The following HS3ST4 variants were observed in gnomAD, a reference collection of about 807,000 sequenced individuals.
HS3ST4 encodes heparan sulfate-glucosamine 3-sulfotransferase 4, also known as heparan sulfate glucosamine 3-O-sulfotransferase 4.
A neutral mutation model predicts 29.2 loss-of-function variants in HS3ST4; 17 were observed. The observed-to-expected ratio is 0.58, with a 90% CI of 0.40 to 0.87. The LOEUF is 0.87. HS3ST4 is among the 40% of genes least tolerant of loss of function. The pLI, the probability that HS3ST4 is intolerant of heterozygous loss-of-function variation, is 0.00. For synonymous variants in HS3ST4, 314 were observed against 285.7 expected, an observed-to-expected ratio of 1.10 and a Z score of -1.00; for missense variants, 627 against 634.5, an observed-to-expected ratio of 0.99 and a Z score of 0.13.
At chr16:25,791,473 AC>A (rs1310408366) in intron 1 of HS3ST4, among the ~76,000 whole-genome samples, 2 of 152,102 alleles carry the variant, frequency 1.3e-5, no homozygotes, top group Admixed American at 6.6e-5. Context: ...GATTGGAATT[AC>A]CCCCAAATTT....
At chr16:26,013,248 AGTTAGGGAC>A (rs1969328213) in intron 1 of HS3ST4, among the ~76,000 whole-genome samples, 2 of 152,166 alleles carry the variant, frequency 1.3e-5, no homozygotes, top group Non-Finnish European at 2.9e-5. Flanking sequence ...GTGGCAGAGT[AGTTAGGGAC>A]AAGGTGCTCA....
intron 1 of HS3ST4, among the ~76,000 whole-genome samples, chr16:25,833,804 G>C (rs998556908): frequency 2.6e-4 from 39 of 152,180 alleles, no homozygotes; most frequent in African/African-American, 8.9e-4. Context: ...AAATCAATAA[G>C]TAAAGTCACA....
At chr16:25,699,644 T>C (rs892020881) in intron 1 of HS3ST4, among the ~76,000 whole-genome samples, 5 of 152,218 alleles carry the variant, frequency 3.3e-5, no homozygotes, top group African/African-American at 4.8e-5. Context: ...TTTAACTCCA[T>C]AGGGTCCATT....
At chr16:26,002,003 C>T (rs1567291226) in intron 1 of HS3ST4, among the ~76,000 whole-genome samples, 1 of 152,092 alleles carries the variant, frequency 6.6e-6, no homozygotes, top group African/African-American at 2.4e-5. Context: ...GAACAAGCCA[C>T]GTTGTCTGCT....
chr16:26,048,677 T>TA (rs1212469340), intron 1 of HS3ST4, among the ~76,000 whole-genome samples: 8 of 151,794 alleles, frequency 5.3e-5, no homozygotes, highest in East Asian at 3.9e-4. Flanking sequence ...AAAATAATAA[T>TA]AAAAAAATAG....
chr16:26,102,613 C>T (rs1237136995), intron 1 of HS3ST4, among the ~76,000 whole-genome samples: 1 of 152,156 alleles, frequency 6.6e-6, no homozygotes, highest in Non-Finnish European at 1.5e-5. Context: ...ATACATTCCC[C>T]CTCCATCCCA....
chr16:25,765,098 G>C (rs1966809520), intron 1 of HS3ST4, among the ~76,000 whole-genome samples: 1 of 152,224 alleles, frequency 6.6e-6, no homozygotes, highest in Non-Finnish European at 1.5e-5. Context: ...CGGAGGGAGA[G>C]TCTGTGTGAA....
chr16:25,937,500 A>G (rs1045452436), intron 1 of HS3ST4, among the ~76,000 whole-genome samples: 2 of 152,184 alleles, frequency 1.3e-5, no homozygotes, highest in African/African-American at 4.8e-5. Flanking sequence ...TTCCAGGCAG[A>G]GGAACAGGAG....
intron 1 of HS3ST4, among the ~76,000 whole-genome samples, chr16:26,029,183 C>A (rs1051892132): frequency 2.0e-5 from 3 of 152,180 alleles, no homozygotes; most frequent in Non-Finnish European, 2.9e-5. Context: ...TGATAATACT[C>A]AGTTTCCAGA....
intron 1 of HS3ST4, among the ~76,000 whole-genome samples, chr16:25,928,421 C>T (rs1466704059): frequency 2.0e-5 from 3 of 152,076 alleles, no homozygotes; most frequent in African/African-American, 7.2e-5. Context: ...ATTTTCAGGT[C>T]ACCAAGGAAA....
At chr16:26,084,083 G>C (rs1021755553) in intron 1 of HS3ST4, among the ~76,000 whole-genome samples, 3 of 152,168 alleles carry the variant, frequency 2.0e-5, no homozygotes, top group Non-Finnish European at 4.4e-5. Context: ...AGTTTGCCCT[G>C]ATGGTCTGAC....
At chr16:25,717,932 G>T (rs1341523114) in intron 1 of HS3ST4, among the ~76,000 whole-genome samples, 8 of 152,144 alleles carry the variant, frequency 5.3e-5, no homozygotes, top group Non-Finnish European at 8.8e-5. Context: ...GGAGATGGCA[G>T]TGATGATGGA....
At chr16:26,044,189 T>G (rs1898237594) in intron 1 of HS3ST4, among the ~76,000 whole-genome samples, 1 of 151,958 alleles carries the variant, frequency 6.6e-6, no homozygotes, top group African/African-American at 2.4e-5. Flanking sequence ...AAGCCTCATG[T>G]TTGTACTTCT....
intron 1 of HS3ST4, among the ~76,000 whole-genome samples, chr16:25,927,138 A>G (rs188611305): frequency 6.6e-6 from 1 of 152,358 alleles, no homozygotes; most frequent in East Asian, 1.9e-4. Context: ...GATCAGCTAA[A>G]TCAACTGCAT....
At chr16:25,968,015 G>T (rs555535768) in intron 1 of HS3ST4, among the ~76,000 whole-genome samples, 23 of 152,166 alleles carry the variant, frequency 1.5e-4, no homozygotes, top group Non-Finnish European at 2.5e-4. Flanking sequence ...TATGTGAAGG[G>T]TTGTCATGGG....
At chr16:25,799,429 T>G (rs908271675) in intron 1 of HS3ST4, among the ~76,000 whole-genome samples, 1 of 152,192 alleles carries the variant, frequency 6.6e-6, no homozygotes, top group African/African-American at 2.4e-5. Flanking sequence ...TAAGAGAAAT[T>G]ACAGACATAA....
At chr16:26,015,439 A>G (rs1339343685) in intron 1 of HS3ST4, among the ~76,000 whole-genome samples, 2 of 152,220 alleles carry the variant, frequency 1.3e-5, no homozygotes, top group Admixed American at 1.3e-4. Context: ...ATATGTGTGT[A>G]GTGTTGCCAA....
intron 1 of HS3ST4, among the ~76,000 whole-genome samples, chr16:25,891,320 A>G (rs1015222153): frequency 2.6e-5 from 4 of 152,132 alleles, no homozygotes; most frequent in Non-Finnish European, 4.4e-5. Context: ...TGAAATGACT[A>G]TTTTTTTAGG....
At chr16:25,829,656 G>A (rs1051953938) in intron 1 of HS3ST4, among the ~76,000 whole-genome samples, 1 of 152,076 alleles carries the variant, frequency 6.6e-6, no homozygotes, top group African/African-American at 2.4e-5. Flanking sequence ...CCACTTACAC[G>A]TGAGAACATG....
Sources: allele counts gnomAD v4.1 joint callset (sites outside exome capture counted in the v4.1 genomes callset), GRCh38; gene constraint gnomAD v4.1.1; transcripts MANE v1.5; gene names NCBI Gene and HGNC (gene_info 2026-07-23, HGNC 2026-07-21).